The following DMD variants were observed in gnomAD, a reference collection of about 807,000 sequenced individuals.
DMD encodes dystrophin, also known as mutant dystrophin.
DMD carries 63 observed loss-of-function variants against 330.1 expected under a neutral mutation model. That is an observed-to-expected ratio of 0.19 (90% confidence interval 0.16 to 0.24). The LOEUF is 0.24. Among genes scored for constraint, DMD ranks in the 10% least tolerant of loss-of-function variants. DMD has a pLI of 1.00. For synonymous variants in DMD, 1,223 were observed against 959.8 expected, an observed-to-expected ratio of 1.27 and a Z score of -5.07; for missense variants, 3,344 against 2,684.1, an observed-to-expected ratio of 1.25 and a Z score of -5.43.
At chrX:32,234,724 G>C (rs1466438135) in intron 43 of DMD, among the ~76,000 whole-genome samples, 1 of 111,826 alleles carries the variant, frequency 8.9e-6, no homozygotes, top group Non-Finnish European at 1.9e-5. Context: ...GCTGACATCA[G>C]TATCATTCAC....
intron 74 of DMD, among the ~76,000 whole-genome samples, chrX:31,155,223 C>G (rs749797389): frequency 8.9e-6 from 1 of 112,514 alleles, no homozygotes; most frequent in South Asian, 3.7e-4. Flanking sequence ...ACAACAATCT[C>G]TGTGTAATTT....
chrX:31,569,573 G>GTATATA (rs72024529), intron 55 of DMD, among the ~76,000 whole-genome samples: 2 of 87,268 alleles, frequency 2.3e-5, no homozygotes, highest in East Asian at 3.4e-4. Context: ...ATATATATGT[G>GTATATA]TATATATATA....
intron 24 of DMD, among the ~76,000 whole-genome samples, chrX:32,464,211 G>C (rs1027543781): frequency 1.8e-5 from 2 of 111,480 alleles, no homozygotes; most frequent in Non-Finnish European, 3.8e-5. Context: ...AAATTATACT[G>C]CATTTTATAG....
intron 7 of DMD, among the ~76,000 whole-genome samples, chrX:32,800,235 T>G (rs1480633594): frequency 8.9e-6 from 1 of 111,991 alleles, no homozygotes; most frequent in Non-Finnish European, 1.9e-5. Flanking sequence ...AATAAAAATA[T>G]GAACATCACA....
chrX:32,727,871 C>A (rs1255423693), intron 7 of DMD, among the ~76,000 whole-genome samples: 2 of 111,321 alleles, frequency 1.8e-5, no homozygotes, highest in Non-Finnish European at 3.8e-5. Flanking sequence ...AAACTCTGAT[C>A]ACTCTGATCA....
intron 17 of DMD, among the ~76,000 whole-genome samples, chrX:32,537,183 C>T (rs552691585): frequency 3.3e-4 from 37 of 111,087 alleles, no homozygotes; most frequent in African/African-American, 9.2e-4. Context: ...TAGAGTTATA[C>T]GATCTAAACT....
Position 31,351,725 on chromosome X carries a change from C to CAAAAAAAAAAAAAA in DMD, c.9085-3105_9085-3092dup, listed in dbSNP as rs3061693. Among the ~76,000 whole-genome samples the CAAAAAAAAAAAAAA allele has an allele frequency of 3.0e-3, 161 of 52,981 alleles. 1 individual carries two copies. Among genetic ancestry groups the CAAAAAAAAAAAAAA allele is most frequent in the Middle Eastern group, 0.011 (1 of 87 alleles). The allele number at this position is 52,981 out of a possible 115,157, so 46.0% of individuals were successfully genotyped here. ...TAGGTAACAGAACAAGACTCCATCT[C>CAAAAAAAAAAAAAA]AAAAAAAAAAAAAAAAAAAGCAAAA... On this transcript the variant is annotated intron_variant, in intron 60 of 78. Coordinates refer to ENST00000357033, the MANE Select transcript of DMD (RefSeq NM_004006.3).
At chrX:32,747,144 T>TA (rs1362969655) in intron 7 of DMD, among the ~76,000 whole-genome samples, 20 of 112,477 alleles carry the variant, frequency 1.8e-4, no homozygotes, top group South Asian at 3.7e-4. Flanking sequence ...CAATCTGTTT[T>TA]AACAAGGCCT....
intron 1 of DMD, among the ~76,000 whole-genome samples, chrX:33,135,503 T>G (rs1053469446): frequency 3.3e-4 from 37 of 112,396 alleles, no homozygotes; most frequent in African/African-American, 1.2e-3. Context: ...ATTAATATAT[T>G]TATATGCAGA....
At chrX:31,178,866 A>G (rs1253869375) in intron 69 of DMD, 61 bp from the exon 70 acceptor site, 2 of 1,145,401 alleles carry the variant, frequency 1.7e-6, no homozygotes, top group Admixed American at 4.4e-5. Flanking sequence ...ACTAATGACC[A>G]CTCCAGTCTT....
intron 45 of DMD, among the ~76,000 whole-genome samples, chrX:31,932,735 G>T (rs1388249068): frequency 1.3e-4 from 14 of 111,760 alleles, no homozygotes; most frequent in African/African-American, 3.6e-4. Flanking sequence ...AACAGAGAAA[G>T]ACTCCATCTC....
intron 62 of DMD, among the ~76,000 whole-genome samples, chrX:31,289,172 G>A (rs939553105): frequency 1.9e-4 from 20 of 103,608 alleles, no homozygotes; most frequent in African/African-American, 6.8e-4. Flanking sequence ...CCAGCCACTC[G>A]AGAGGCTGAG....
chrX:33,306,902 CCTGA>C (rs1259288802), intron 1 of DMD, among the ~76,000 whole-genome samples: 5 of 111,520 alleles, frequency 4.5e-5, no homozygotes, highest in African/African-American at 9.8e-5. Flanking sequence ...TTATCCCCAC[CCTGA>C]CTAATACATG....
chrX:31,860,592 T>C (rs1161396788), intron 48 of DMD, among the ~76,000 whole-genome samples: 1 of 112,221 alleles, frequency 8.9e-6, no homozygotes, highest in African/African-American at 3.2e-5. Flanking sequence ...TGGCAAACCA[T>C]TGTGGTTACT....
intron 13 of DMD, 43 bp from the exon 14 acceptor site, chrX:32,573,889 T>A: frequency 9.3e-7 from 1 of 1,078,773 alleles, no homozygotes; most frequent in Non-Finnish European, 1.3e-6. Flanking sequence ...AAACAATTGG[T>A]AACTACGTTT....
At chrX:33,045,075 CT>C (rs1327267130) in intron 1 of DMD, among the ~76,000 whole-genome samples, 1 of 110,458 alleles carries the variant, frequency 9.1e-6, no homozygotes, top group African/African-American at 3.3e-5. Flanking sequence ...GGGGAAAGTC[CT>C]TTTTTTACAA....
chrX:33,196,524 CAT>C (rs753154715), intron 1 of DMD, among the ~76,000 whole-genome samples: 36 of 111,815 alleles, frequency 3.2e-4, no homozygotes, highest in Non-Finnish European at 6.4e-4. Context: ...CACGCACAAA[CAT>C]AAAATCAGAG....
chrX:32,846,902 G>C (rs1305960025), intron 3 of DMD, among the ~76,000 whole-genome samples: 1 of 109,181 alleles, frequency 9.2e-6, no homozygotes. Flanking sequence ...AGCTACTTGG[G>C]AGGCCGAGGC....
At chrX:32,444,144 T>C (rs1654658962) in intron 27 of DMD, among the ~76,000 whole-genome samples, 1 of 110,395 alleles carries the variant, frequency 9.1e-6, no homozygotes, top group African/African-American at 3.3e-5. Context: ...TGGGAAAGAA[T>C]GAAGCAGTGT....
Sources: gnomAD v4.1 joint callset for allele counts (sites outside exome capture counted in the v4.1 genomes callset) on GRCh38, gnomAD v4.1.1 for gene constraint, MANE v1.5 for transcripts, NCBI Gene and HGNC (gene_info 2026-07-23, HGNC 2026-07-21) for gene names.